CHD5: variants seen among roughly 807,000 people sequenced by gnomAD.
CHD5 encodes the protein ATP-dependent chromatin remodeler CHD5.
In CHD5, 69 loss-of-function variants were observed where a neutral mutation model predicts 230.3. That is an observed-to-expected ratio of 0.30 (90% CI 0.25 to 0.37). The LOEUF (loss-of-function observed/expected upper bound fraction) is 0.37, where lower values mean the gene tolerates loss of function less well. Among genes scored for constraint, CHD5 ranks in the 10% least tolerant of loss-of-function variants. The pLI is 1.00. For missense variants in CHD5, 1,827 were observed against 2,622.8 expected (o/e 0.70, Z 6.63); for synonymous variants, 1,064 against 1,065.9 (o/e 1.00, Z 0.03).
rs775815239 is a variant in CHD5 at position 6,134,167 on chromosome 1, T to C, written c.3105A>G (p.Lys1035=). The C allele has an allele frequency of 1.9e-6, 3 of 1,613,710 alleles. No individual in the cohort carries two copies. The highest frequency in any genetic ancestry group is 2.5e-6 in the Non-Finnish European group (3 of 1,179,936). ...GCACACGGTGCCCCTCATCCCGCAGTTTCTTCAGCATCTTCTGTAGCAGCA... is the reference window on the plus strand; with the variant it reads ...GCACACGGTGCCCCTCATCCCGCAGCTTCTTCAGCATCTTCTGTAGCAGCA... ...KLMLLQKMLK[K]LRDEGHRVLI... Residue 1035 remains lysine (K), a synonymous_variant, in exon 20 of 42, where the codon AAA becomes AAG. Coordinates refer to ENST00000262450, the MANE Select transcript of CHD5 (RefSeq NM_015557.3). This position sits in a 1 kb window ranked among gnomAD's most constrained non-coding sequence, Gnocchi z 6.3.
In CHD5 at chr1:6,176,626, T is replaced by C. The variant is rs537334073; in HGVS notation, c.79+3319A>G. 3.7e-4 allele frequency among the ~76,000 whole-genome samples: 57 copies of C among 152,340 alleles called. 1 individual carries two copies. Among genetic ancestry groups the C allele is most frequent in the Admixed American group, 3.9e-4 (6 of 15,306 alleles). On this transcript the variant is annotated intron_variant, in intron 1 of 41. Coordinates refer to ENST00000262450, the MANE Select transcript of CHD5 (RefSeq NM_015557.3). Reference sequence around the variant, plus strand: ...GGAGAAGGCAGGACAGCTGCCCTCCTTGGCTGGTGCTAACTACACCAGCCA... The same window carrying C: ...GGAGAAGGCAGGACAGCTGCCCTCCCTGGCTGGTGCTAACTACACCAGCCA...
chr1:6,123,674 C>T (rs569570006), intron 31 of CHD5, among the ~76,000 whole-genome samples: 5 of 139,850 alleles, frequency 3.6e-5, no homozygotes, highest in South Asian at 2.5e-4. Flanking sequence ...GTGATCCTGC[C>T]GCCTCAGCCT....
rs767845383 is a variant in CHD5, at chr1:6,106,283, G to A, written c.5862C>T (p.Ile1954=). The stretch of plus-strand genomic sequence containing the variant: ...CACAGGGAAGTCTCGAGGACGGCTA[G>A]ATATCTGTCAAAAAAAGAGGAGAGC... The part of the protein sequence containing the change: ...QMPLGPYVTD[I] Residue 1954 remains isoleucine, a synonymous_variant, in exon 41 of 42, where the codon ATC becomes ATT. Transcript: ENST00000262450. The A allele has an allele frequency of 3.7e-5, 60 of 1,612,708 alleles. 1 individual carries two copies. The South Asian group carries it at 5.2e-4, about 14-fold the overall frequency.
Position 6,154,975 on chromosome 1 carries a change from C to T in CHD5, c.507-77G>A, listed in dbSNP as rs2100868923. The T allele has an allele frequency of 1.5e-6, 2 of 1,299,788 alleles. No individual in the cohort carries two copies. The highest frequency in any genetic ancestry group is 2.6e-5 in the South Asian group (2 of 76,026). The allele number at this position is 1,299,788 out of a possible 1,614,324, so 80.5% of individuals were successfully genotyped here. ...CCCACCCGACCCCCGGCAGGGCCCA[C>T]CCCTCTGCCACATGTGCGATCTATG... On this transcript the variant is annotated intron_variant, in intron 4 of 41. Coordinates refer to ENST00000262450, the MANE Select transcript of CHD5 (RefSeq NM_015557.3). The surrounding 1 kb of genome is among the most constrained non-coding windows in gnomAD (Gnocchi z 7.0).
intron 9 of CHD5, 117 bp downstream of exon 9, chr1:6,148,737 G>A (rs1250579582): frequency 5.4e-6 from 4 of 740,792 alleles, no homozygotes; most frequent in Non-Finnish European, 7.9e-6. Context: ...GGCTACCGAG[G>A]CGGGGCAGGA....
rs576962550 is a variant in CHD5 at position 6,169,095 on chromosome 1, G to A, written c.80-818C>T. Among the ~76,000 whole-genome samples, 3 of 152,158 alleles carry A rather than the reference G, an allele frequency of 2.0e-5. No homozygotes were observed. The South Asian group carries it at 6.2e-4, about 32-fold the overall frequency. ...AGCCCCAAACCTGAGGACCCCAGGG[G>A]TTTGCAGGACAAACTCAGCAAGGAA... On this transcript the variant is annotated intron_variant, in intron 1 of 41. Transcript: ENST00000262450.
chr1:6,149,300 G>A lies in CHD5; in HGVS notation c.1107C>T (p.Cys369=), dbSNP rs1229574570. The A allele has an allele frequency of 1.9e-6, 3 of 1,612,654 alleles. No homozygotes were observed. Among genetic ancestry groups the A allele is most frequent in the Non-Finnish European group, 2.5e-6 (3 of 1,179,570 alleles). ...GAGCCTTCTCCAGCTCTGGGTCCAG[G>A]CATACGAGATGGTAGGCCCTCGGGC... ...DTCPRAYHLV[C]LDPELEKAPE... Residue 369 remains cysteine, a synonymous_variant, in exon 8 of 42, where the codon TGC becomes TGT. Transcript: ENST00000262450.
intron 5 of CHD5, among the ~76,000 whole-genome samples, chr1:6,153,616 G>A (rs1178495494): frequency 6.6e-6 from 1 of 152,184 alleles, no homozygotes; most frequent in Non-Finnish European, 1.5e-5. Flanking sequence ...ATCACCTGAG[G>A]TCAGGAGTTC....
chr1:6,107,075 T>G, intron 38 of CHD5, among the ~76,000 whole-genome samples: 1 of 99,866 alleles, frequency 1.0e-5, no homozygotes, highest in Non-Finnish European at 2.0e-5. Flanking sequence ...GGAAGGATGA[T>G]GGAGGGGTGG....
intron 33 of CHD5, among the ~76,000 whole-genome samples, chr1:6,119,244 G>A (rs974507471): frequency 2.0e-5 from 3 of 151,852 alleles, no homozygotes; most frequent in Admixed American, 6.6e-5. Flanking sequence ...GACTACTGGC[G>A]CTCGCCACCA....
At chr1:6,116,134 G>A (rs956059586) in intron 33 of CHD5, among the ~76,000 whole-genome samples, 2 of 152,194 alleles carry the variant, frequency 1.3e-5, no homozygotes, top group African/African-American at 4.8e-5. Flanking sequence ...GATTGCCTGT[G>A]TTCCCCAGTG....
chr1:6,154,973 C>T lies in CHD5; in HGVS notation c.507-75G>A, dbSNP rs1667059029. On this transcript the variant is annotated intron_variant, in intron 4 of 41. Transcript: ENST00000262450. This position sits in a 1 kb window ranked among gnomAD's most constrained non-coding sequence, Gnocchi z 7.0. ...GGCCCACCCGACCCCCGGCAGGGCC[C>T]ACCCCTCTGCCACATGTGCGATCTA... 1 of 1,309,450 alleles carries T rather than the reference C, an allele frequency of 7.6e-7. No individual in the cohort carries two copies. Among genetic ancestry groups the T allele is most frequent in the African/African-American group, 1.5e-5 (1 of 68,454 alleles). 81.1% of individuals were successfully genotyped at this position (1,309,450 alleles called of 1,614,324 possible).
chr1:6,147,816 C>T (rs937815496), intron 9 of CHD5, among the ~76,000 whole-genome samples: 2 of 152,162 alleles, frequency 1.3e-5, no homozygotes, highest in African/African-American at 4.8e-5. Flanking sequence ...CTTCCTTTGG[C>T]CTTGGTGACA....
chr1:6,124,428 A>C, intron 30 of CHD5, 89 bp downstream of exon 30: 1 of 1,451,568 alleles, frequency 6.9e-7, no homozygotes, highest in Non-Finnish European at 9.7e-7. Context: ...TGAACCAGGC[A>C]CTTGTTCTCT....
intron 16 of CHD5, 32 bp from the exon 17 acceptor site, chr1:6,136,670 G>C (rs1326147421): frequency 6.2e-7 from 1 of 1,612,766 alleles, no homozygotes; most frequent in African/African-American, 1.3e-5. Context: ...CTGTCAGGGG[G>C]CTCTGGGCGG....
intron 33 of CHD5, chr1:6,113,347 C>T (rs1258021030): frequency 6.8e-6 from 3 of 443,770 alleles, no homozygotes; most frequent in Non-Finnish European, 1.4e-5. Context: ...TCGCTTGAGC[C>T]GAGGAGATAA....
At chr1:6,148,115 A>G (rs1272341965) in intron 9 of CHD5, among the ~76,000 whole-genome samples, 1 of 152,194 alleles carries the variant, frequency 6.6e-6, no homozygotes, top group East Asian at 1.9e-4. Flanking sequence ...GGATGCACGC[A>G]CACACATACA....
intron 17 of CHD5, 46 bp downstream of exon 17, chr1:6,136,471 C>T: frequency 6.2e-7 from 1 of 1,603,734 alleles, no homozygotes; most frequent in Non-Finnish European, 8.5e-7. Flanking sequence ...TCACTGGGGC[C>T]ACCCAGCCCC....
chr1:6,106,990 G>A (rs1464175612), intron 38 of CHD5, among the ~76,000 whole-genome samples: 2 of 139,906 alleles, frequency 1.4e-5, no homozygotes, highest in African/African-American at 5.5e-5. Context: ...AGGGGTGGAA[G>A]GATGGAGGGA....
Sources: allele counts gnomAD v4.1 joint callset (sites outside exome capture counted in the v4.1 genomes callset), GRCh38; gene constraint gnomAD v4.1.1; non-coding constraint Gnocchi (gnomAD v3.1); transcripts MANE v1.5; gene names NCBI Gene and HGNC (gene_info 2026-07-23, HGNC 2026-07-21).